IFT80: variants seen among roughly 807,000 people sequenced by gnomAD.
IFT80 encodes intraflagellar transport protein 80 homolog.
Under a neutral mutation model 107.9 loss-of-function variants are expected in IFT80, and 79 were observed. The ratio of observed to expected loss-of-function variants is 0.73; its 90% CI spans 0.61 to 0.88. The LOEUF (loss-of-function observed/expected upper bound fraction) is 0.88. Ranked by LOEUF, IFT80 falls within the 40% of genes least tolerant of loss-of-function variation. The probability of loss-of-function intolerance (pLI) is 0.00; values close to 1 mark genes in which losing one functional copy is unlikely to be tolerated. For synonymous variants in IFT80, 299 were observed against 300.9 expected, an observed-to-expected ratio of 0.99 and a Z score of 0.07; for missense variants, 797 against 914.2, an observed-to-expected ratio of 0.87 and a Z score of 1.65.
At chr3:160,341,915 TA>T (rs748479911) in intron 8 of IFT80, among the ~76,000 whole-genome samples, 2 of 152,200 alleles carry the variant, frequency 1.3e-5, no homozygotes, top group Admixed American at 6.5e-5. Flanking sequence ...CCTTTTTACT[TA>T]ATGGTTTCTT....
chr3:160,359,342 T>C (rs977543192), intron 6 of IFT80, among the ~76,000 whole-genome samples: 3 of 152,212 alleles, frequency 2.0e-5, no homozygotes, highest in Non-Finnish European at 4.4e-5. Context: ...ATAAGCCTAA[T>C]TACAGGTATC....
At chr3:160,301,723 TA>T (rs753937165) in intron 11 of IFT80, among the ~76,000 whole-genome samples, 1 of 151,948 alleles carries the variant, frequency 6.6e-6, no homozygotes, top group Non-Finnish European at 1.5e-5. Context: ...ACTCAAAACA[TA>T]AATATTTTAT....
At chr3:160,343,744 T>G (rs1289835026) in intron 8 of IFT80, 1 of 312,314 alleles carries the variant, frequency 3.2e-6, no homozygotes, top group Admixed American at 4.4e-5. Context: ...AGCTTAATTT[T>G]TATAGCACTC....
chr3:160,312,620 AATAT>A (rs1314555781), intron 9 of IFT80, among the ~76,000 whole-genome samples: 83 of 59,164 alleles, frequency 1.4e-3, no homozygotes, highest in Non-Finnish European at 2.1e-3. Flanking sequence ...ATAAATATAT[AATAT>A]ATATATATAA....
intron 19 of IFT80, among the ~76,000 whole-genome samples, chr3:160,258,877 G>T (rs927113441): frequency 1.5e-4 from 23 of 152,116 alleles, no homozygotes. Context: ...TGGGTGGATT[G>T]CTTGAGTCTA....
chr3:160,273,297 T>C (rs367928044), intron 18 of IFT80, among the ~76,000 whole-genome samples: 10 of 152,200 alleles, frequency 6.6e-5, no homozygotes, highest in African/African-American at 2.2e-4. Flanking sequence ...GTGGGCTTTA[T>C]TGAAGTGAAT....
chr3:160,337,429 G>A (rs539616267), intron 8 of IFT80, among the ~76,000 whole-genome samples: 2 of 152,188 alleles, frequency 1.3e-5, no homozygotes, highest in Non-Finnish European at 2.9e-5. Flanking sequence ...TTCAAGACCA[G>A]CCTGGCCAAC....
chr3:160,363,269 T>C (rs2108372900), intron 6 of IFT80, among the ~76,000 whole-genome samples: 1 of 152,246 alleles, frequency 6.6e-6, no homozygotes, highest in East Asian at 1.9e-4. Context: ...TCACAATTGC[T>C]ACACAGATAC....
intron 1 of IFT80, among the ~76,000 whole-genome samples, chr3:160,396,747 A>T (rs1216761328): frequency 6.6e-6 from 1 of 152,196 alleles, no homozygotes; most frequent in Admixed American, 6.5e-5. Context: ...TTCTCTTTGT[A>T]ATTAAACTCT....
At chr3:160,335,976 A>G (rs1191961323) in intron 8 of IFT80, among the ~76,000 whole-genome samples, 2 of 152,136 alleles carry the variant, frequency 1.3e-5, no homozygotes, top group Non-Finnish European at 2.9e-5. Context: ...ATGTTGTAGC[A>G]TGTATCAGTA....
intron 9 of IFT80, among the ~76,000 whole-genome samples, chr3:160,314,982 T>C (rs1717686504): frequency 6.7e-6 from 1 of 148,576 alleles, no homozygotes; most frequent in African/African-American, 2.5e-5. Context: ...ATCCATGCTT[T>C]TTCCAAAAAG....
At chr3:160,303,648 T>C (rs1417857984) in intron 11 of IFT80, among the ~76,000 whole-genome samples, 1 of 152,228 alleles carries the variant, frequency 6.6e-6, no homozygotes. Flanking sequence ...TTTTAATTTC[T>C]AATATCGTAA....
rs140957891 is a variant in IFT80 at position 160,335,313 on chromosome 3, C to A, written c.778-15374G>T. ...TGGCACAATCTTGGCTCACTGCAAC[C>A]TTTGCCTCCCAGGTTCTCCTGCCTC... On this transcript the variant is annotated intron_variant, in intron 8 of 19. Transcript: ENST00000326448. Among the ~76,000 whole-genome samples the A allele has an allele frequency of 2.4e-3, 370 of 151,868 alleles. 3 individuals carry two copies. The highest frequency in any genetic ancestry group is 8.3e-3 in the Admixed American group (127 of 15,210).
chr3:160,315,564 T>C lies in IFT80; in HGVS notation c.957+4196A>G, dbSNP rs533166599. 1.2e-4 allele frequency among the ~76,000 whole-genome samples: 19 copies of C among 152,306 alleles called. No homozygotes were observed. In the South Asian group the frequency reaches 3.5e-3, roughly 28 times the overall value. ...AGCTTACCCTTTCCCTTTGACATAA[T>C]GAGTTTGGGGTCTCAAGATTTTTAT... is the stretch of plus-strand genomic sequence containing the variant. On this transcript the variant is annotated intron_variant, in intron 9 of 19. Transcript: ENST00000326448.
intron 1 of IFT80, among the ~76,000 whole-genome samples, chr3:160,388,602 AAATAT>A (rs953081423): frequency 1.3e-5 from 2 of 148,582 alleles, no homozygotes; most frequent in African/African-American, 4.9e-5. Context: ...ATATTACATA[AAATAT>A]ATTTATGTAA....
chr3:160,362,526 A>G (rs984523324), intron 6 of IFT80, among the ~76,000 whole-genome samples: 4 of 152,354 alleles, frequency 2.6e-5, no homozygotes, highest in African/African-American at 9.6e-5. Flanking sequence ...TTATGAGGCC[A>G]GCATCATGCT....
intron 8 of IFT80, chr3:160,343,776 CT>C: frequency 2.8e-6 from 1 of 352,526 alleles, no homozygotes; most frequent in Non-Finnish European, 5.6e-6. Context: ...AAATATGTTA[CT>C]TTTGCTTGTT....
chr3:160,319,099 G>GC (rs745833061), intron 9 of IFT80, among the ~76,000 whole-genome samples: 8 of 151,982 alleles, frequency 5.3e-5, no homozygotes, highest in Non-Finnish European at 1.0e-4. Context: ...AAAGCACACA[G>GC]CCTTAACTGT....
At chr3:160,271,307 A>G (rs1229241198) in intron 18 of IFT80, among the ~76,000 whole-genome samples, 1 of 152,326 alleles carries the variant, frequency 6.6e-6, no homozygotes, top group East Asian at 1.9e-4. Context: ...TTAGATTCTA[A>G]GGCTGGAATA....
Sources: gnomAD v4.1 joint callset for allele counts (sites outside exome capture counted in the v4.1 genomes callset) on GRCh38, gnomAD v4.1.1 for gene constraint, MANE v1.5 for transcripts, NCBI Gene and HGNC (gene_info 2026-07-23, HGNC 2026-07-21) for gene names.